DCC: variants seen among roughly 807,000 people sequenced by gnomAD.
DCC encodes netrin receptor DCC.
A neutral mutation model predicts 172.5 loss-of-function variants in DCC; 58 were observed. The observed-to-expected ratio is 0.34, with a 90% CI of 0.27 to 0.42. DCC has a LOEUF of 0.42. Among genes scored for constraint, DCC ranks in the 10% least tolerant of loss-of-function variants. The pLI is 1.00. For missense variants in DCC, 1,740 were observed against 1,791.0 expected (o/e 0.97, Z 0.51); for synonymous variants, 709 against 644.5 (o/e 1.10, Z -1.52).
intron 2 of DCC, among the ~76,000 whole-genome samples, chr18:52,768,296 T>C (rs2037286630): frequency 6.6e-6 from 1 of 152,224 alleles, no homozygotes; most frequent in African/African-American, 2.4e-5. Context: ...TTTCTCAGTT[T>C]ATAATGAGTA....
intron 1 of DCC, among the ~76,000 whole-genome samples, chr18:52,448,579 C>T (rs534810264): frequency 6.6e-5 from 10 of 151,968 alleles, no homozygotes; most frequent in South Asian, 2.1e-4. Flanking sequence ...TGCCCAGAAC[C>T]GATTGAAATG....
At chr18:52,645,368 C>A (rs2034999575) in intron 1 of DCC, among the ~76,000 whole-genome samples, 1 of 152,082 alleles carries the variant, frequency 6.6e-6, no homozygotes, top group Non-Finnish European at 1.5e-5. Context: ...AACCACCTAA[C>A]TAGCTGTTCT....
chr18:53,208,611 A>C (rs139833638), intron 11 of DCC, among the ~76,000 whole-genome samples: 19 of 152,298 alleles, frequency 1.2e-4, no homozygotes, highest in Middle Eastern at 3.4e-3. Flanking sequence ...GAGCATGAAA[A>C]ATGTGTATGT....
At chr18:53,506,327 AG>A (rs559522105) in intron 27 of DCC, among the ~76,000 whole-genome samples, 26 of 152,326 alleles carry the variant, frequency 1.7e-4, no homozygotes, top group African/African-American at 6.3e-4. Flanking sequence ...ATTAGATATC[AG>A]GTACTAGAAA....
chr18:52,483,894 C>T (rs1025340048), intron 1 of DCC, among the ~76,000 whole-genome samples: 1 of 151,952 alleles, frequency 6.6e-6, no homozygotes, highest in Non-Finnish European at 1.5e-5. Flanking sequence ...CACCTGTTTA[C>T]TATTCTTTGA....
chr18:53,227,726 A>G (rs1483877860), intron 12 of DCC, among the ~76,000 whole-genome samples: 1 of 152,206 alleles, frequency 6.6e-6, no homozygotes. Context: ...GTCTTCTACA[A>G]ATAACTTTGT....
chr18:53,063,536 A>AG, intron 6 of DCC, 77 bp downstream of exon 6: 1 of 752,286 alleles, frequency 1.3e-6, no homozygotes, highest in Non-Finnish European at 1.8e-6. Context: ...TTATTTCTTG[A>AG]AAAAAAAAAA....
At chr18:53,013,177 T>A (rs1238053552) in intron 5 of DCC, among the ~76,000 whole-genome samples, 1 of 152,066 alleles carries the variant, frequency 6.6e-6, no homozygotes, top group African/African-American at 2.4e-5. Context: ...TCCTCGAGGA[T>A]CTAGAACCAC....
chr18:53,427,460 A>G (rs1336508473), intron 21 of DCC, among the ~76,000 whole-genome samples: 2 of 152,110 alleles, frequency 1.3e-5, no homozygotes, highest in African/African-American at 2.4e-5. Context: ...AACTTGCATG[A>G]ATAATAATTA....
chr18:52,727,401 C>G (rs962779587), intron 1 of DCC, among the ~76,000 whole-genome samples: 1 of 152,058 alleles, frequency 6.6e-6, no homozygotes, highest in African/African-American at 2.4e-5. Context: ...ATGTGATGAC[C>G]TGTTTCAACA....
chr18:52,960,361 A>G (rs2040823008), intron 5 of DCC, among the ~76,000 whole-genome samples: 1 of 152,110 alleles, frequency 6.6e-6, no homozygotes, highest in African/African-American at 2.4e-5. Context: ...ATCAGGTTAG[A>G]CTTTTACATC....
At chr18:52,659,908 G>A (rs1422042426) in intron 1 of DCC, among the ~76,000 whole-genome samples, 1 of 151,766 alleles carries the variant, frequency 6.6e-6, no homozygotes, top group Non-Finnish European at 1.5e-5. Flanking sequence ...AAAATTAATT[G>A]GGTATTTTGT....
At position 53,117,270 on chromosome 18, in the gene DCC, C is replaced by T. The variant is rs148357193; in HGVS notation, c.1262-40086C>T. On this transcript the variant is annotated intron_variant, in intron 7 of 28. Coordinates refer to ENST00000442544, the MANE Select transcript of DCC (RefSeq NM_005215.4). Reference sequence around the variant, plus strand: ...GCACTGTAAGAAAGTTTACTTGCTCCGTATGAAATTTCCAATATTTGATGG... The same window carrying T: ...GCACTGTAAGAAAGTTTACTTGCTCTGTATGAAATTTCCAATATTTGATGG... Among the ~76,000 whole-genome samples, 18 of 151,702 alleles carry T rather than the reference C, an allele frequency of 1.2e-4. No individual in the cohort carries two copies. In the South Asian group the frequency reaches 1.2e-3, roughly 10 times the overall value.
At position 52,755,314 on chromosome 18, in the gene DCC, T is replaced by G. The variant is rs148313472; in HGVS notation, c.412+2940T>G. ...GCCTGTTACATTGCAGTTTCAGTCT[T>G]CATGCAATCTACATTCACATTTACA... On this transcript the variant is annotated intron_variant, in intron 2 of 28. Transcript: ENST00000442544. Among the ~76,000 whole-genome samples the G allele has an allele frequency of 1.3e-4, 20 of 152,358 alleles. No homozygotes were observed. The East Asian group carries it at 2.9e-3, about 22-fold the overall frequency.
intron 2 of DCC, among the ~76,000 whole-genome samples, chr18:52,886,116 G>A (rs1327148192): frequency 6.6e-6 from 1 of 151,886 alleles, no homozygotes; most frequent in Non-Finnish European, 1.5e-5. Context: ...GCACTGCCTG[G>A]GGTTGGGAGA....
At chr18:52,607,035 A>T (rs924923627) in intron 1 of DCC, among the ~76,000 whole-genome samples, 9 of 152,082 alleles carry the variant, frequency 5.9e-5, no homozygotes, top group Admixed American at 4.6e-4. Flanking sequence ...TTTTTTTGCT[A>T]TATTTGTCAG....
chr18:53,218,960 T>G (rs951779131), intron 12 of DCC, among the ~76,000 whole-genome samples: 2 of 152,160 alleles, frequency 1.3e-5, no homozygotes, highest in Non-Finnish European at 1.5e-5. Context: ...TGTTTCAATC[T>G]AAAAGTTCTG....
At chr18:53,109,506 CTG>C (rs537892576) in intron 7 of DCC, among the ~76,000 whole-genome samples, 1 of 151,088 alleles carries the variant, frequency 6.6e-6, no homozygotes, top group Non-Finnish European at 1.5e-5. Flanking sequence ...GTCTCTGTCT[CTG>C]TGTGTGTGTG....
intron 12 of DCC, among the ~76,000 whole-genome samples, chr18:53,229,672 T>G (rs2056091803): frequency 6.6e-6 from 1 of 152,040 alleles, no homozygotes; most frequent in African/African-American, 2.4e-5. Context: ...TTTTGAACAT[T>G]TAATAGCTTA....
Sources: gnomAD v4.1 joint callset for allele counts (sites outside exome capture counted in the v4.1 genomes callset) on GRCh38, gnomAD v4.1.1 for gene constraint, MANE v1.5 for transcripts, NCBI Gene and HGNC (gene_info 2026-07-23, HGNC 2026-07-21) for gene names.